TUBB8B: variants seen among roughly 807,000 people sequenced by gnomAD.
TUBB8B encodes the protein HSA18p11 beta-tubulin 4Q pseudogene.
In TUBB8B, 26 loss-of-function variants were observed where a neutral mutation model predicts 31.9. The ratio of observed to expected loss-of-function variants is 0.81; its 90% CI spans 0.60 to 1.13. The LOEUF (loss-of-function observed/expected upper bound fraction) is 1.13, where lower values mean the gene tolerates loss of function less well. Among genes scored for constraint, TUBB8B ranks in the 50% most tolerant of loss-of-function variants. The pLI is 0.00. For missense variants in TUBB8B, 467 were observed against 586.7 expected, an observed-to-expected ratio of 0.80 and a Z score of 2.11; for synonymous variants, 173 against 231.0, an observed-to-expected ratio of 0.75 and a Z score of 2.28.
the TUBB8B span, among the ~76,000 whole-genome samples, chr18:71,950 G>A: frequency 1.3e-5 from 2 of 152,096 alleles, no homozygotes; most frequent in South Asian, 2.1e-4. Flanking sequence ...AGGCCAAGGC[G>A]GGTGGATCAC....
At chr18:67,676 A>G in the TUBB8B span, among the ~76,000 whole-genome samples, 2 of 152,154 alleles carry the variant, frequency 1.3e-5, no homozygotes, top group African/African-American at 4.8e-5. Context: ...CTGTTAAAGC[A>G]CTATGTGTGG....
At chr18:67,461 C>T in the TUBB8B span, among the ~76,000 whole-genome samples, 1 of 152,228 alleles carries the variant, frequency 6.6e-6, no homozygotes, top group Non-Finnish European at 1.5e-5. Flanking sequence ...CCACCTCAGT[C>T]TCTAGAGTAA....
the TUBB8B span, among the ~76,000 whole-genome samples, chr18:56,558 C>A: frequency 6.6e-6 from 1 of 151,674 alleles, no homozygotes; most frequent in African/African-American, 2.4e-5. Flanking sequence ...AATTCCCACA[C>A]ATTTTGTTTT....
At chr18:51,584 C>A (rs1435992536), upstream of TUBB8B, among the ~76,000 whole-genome samples, 1 of 151,844 alleles carries the variant, frequency 6.6e-6, no homozygotes, top group Non-Finnish European at 1.5e-5. Context: ...GGATTACAGG[C>A]ACCCACCACC....
chr18:71,569 T>TTAAA, the TUBB8B span, among the ~76,000 whole-genome samples: 1 of 57,644 alleles, frequency 1.7e-5, no homozygotes, highest in East Asian at 5.7e-4. Context: ...AAAAAAAATT[T>TTAAA]AAAAAAAAAA....
the TUBB8B span, chr18:73,456 GTGGACCCCCCGTCCTCACA>G: frequency 2.5e-5 from 4 of 159,190 alleles, no homozygotes; most frequent in African/African-American, 9.7e-5. Flanking sequence ...CGTCCTCACA[GTGGACCCCCCGTCCTCACA>G]GTGGACCCCC....
In TUBB8B at chr18:48,739, C is replaced by A. The variant is rs183480759; in HGVS notation, c.277+201G>T. 24 of 702,256 alleles carry A rather than the reference C, an allele frequency of 3.4e-5. No homozygotes were observed. In the African/African-American group the frequency reaches 3.5e-4, roughly 10 times the overall value. 43.5% of individuals were successfully genotyped at this position (702,256 alleles called of 1,614,324 possible). On this transcript the variant is annotated intron_variant, in intron 3 of 3. Transcript: ENST00000308911. ...CCAGCTCAGCTCCCGGCAGGGACAT[C>A]AGTAGCTCCTCACCTTGAGGAGACA...
At chr18:60,722 T>C in the TUBB8B span, among the ~76,000 whole-genome samples, 1 of 151,836 alleles carries the variant, frequency 6.6e-6, no homozygotes, top group Non-Finnish European at 1.5e-5. Flanking sequence ...ATTGACCTAC[T>C]GATCATTAAA....
At position 47,320 on chromosome 18, in the gene TUBB8B, T is replaced by C. The variant is rs1418664728; in HGVS notation, c.*70A>G. On this transcript the variant is annotated 3_prime_UTR_variant, in exon 4 of 4. Coordinates refer to ENST00000308911, the MANE Select transcript of TUBB8B (RefSeq NM_001358689.2). ...AAGACACAAATTAACAAGCGTATAG[T>C]GACACATGGCTGTCAGAACACAGTA... 1.3e-5 allele frequency: 8 copies of C among 611,142 alleles called. No homozygotes were observed. Among genetic ancestry groups the C allele is most frequent in the African/African-American group, 6.4e-5 (3 of 47,198 alleles). The allele number at this position is 611,142 out of a possible 1,614,324, so 37.9% of individuals were successfully genotyped here.
the TUBB8B span, among the ~76,000 whole-genome samples, chr18:63,361 C>A: frequency 6.6e-6 from 1 of 151,768 alleles, no homozygotes; most frequent in African/African-American, 2.4e-5. Context: ...CTGTGGTGGC[C>A]TTGGATTAAC....
upstream of TUBB8B, among the ~76,000 whole-genome samples, chr18:52,500 C>T (rs1223827748): frequency 1.3e-5 from 2 of 151,798 alleles, no homozygotes. Flanking sequence ...CTGAGTCTCT[C>T]ACCCTAATAT....
the TUBB8B span, among the ~76,000 whole-genome samples, chr18:68,145 G>T: frequency 6.6e-6 from 1 of 152,036 alleles, no homozygotes; most frequent in African/African-American, 2.4e-5. Context: ...CTGCTTTATT[G>T]CCATGGTATT....
chr18:71,259 A>G, the TUBB8B span, among the ~76,000 whole-genome samples: 1 of 151,202 alleles, frequency 6.6e-6, no homozygotes, highest in African/African-American at 2.4e-5. Flanking sequence ...ATCAATAAAG[A>G]TGTAAAGGCT....
At chr18:67,232 T>A in the TUBB8B span, among the ~76,000 whole-genome samples, 10 of 152,348 alleles carry the variant, frequency 6.6e-5, no homozygotes, top group South Asian at 2.1e-3. Flanking sequence ...CCTGATCTCA[T>A]GGATCCACCC....
At chr18:61,347 G>A in the TUBB8B span, among the ~76,000 whole-genome samples, 5 of 151,332 alleles carry the variant, frequency 3.3e-5, no homozygotes, top group African/African-American at 9.7e-5. Flanking sequence ...ATCTTTACAG[G>A]TAGAGTATTT....
In TUBB8B at chr18:48,983, C is replaced by G. The variant is rs565684361; in HGVS notation, c.234G>C (p.Ser78=). 91 of 1,609,386 alleles carry G rather than the reference C, an allele frequency of 5.7e-5. 3 individuals are homozygous for G. In the South Asian group the frequency reaches 9.2e-4, roughly 16 times the overall value. The change falls in exon 3 of 4, where the codon TCG becomes TCC. Residue 78 remains serine, a synonymous_variant. Transcript: ENST00000308911. ...LEPGTMDSVH[S]GPFGQVFRPD... ...GCCTGAAGACCTGCCCGAAGGGCCC[C>G]GAGTGCACAGAGTCCATGGTGCCCG...
the TUBB8B span, among the ~76,000 whole-genome samples, chr18:64,876 T>C: frequency 6.6e-6 from 1 of 152,162 alleles, no homozygotes; most frequent in Non-Finnish European, 1.5e-5. Flanking sequence ...AAACTTCTAA[T>C]ACTTAATATG....
chr18:70,672 G>A, the TUBB8B span, among the ~76,000 whole-genome samples: 23 of 151,900 alleles, frequency 1.5e-4, no homozygotes, highest in African/African-American at 4.8e-4. Flanking sequence ...CTGCAGGGCC[G>A]GGCGCAGTAG....
Position 48,198 on chromosome 18 carries a change from G to A in TUBB8B, c.527C>T (p.Ser176Leu), listed in dbSNP as rs543588177. The A allele has an allele frequency of 2.2e-5, 35 of 1,607,940 alleles. 1 individual carries two copies. The highest frequency in any genetic ancestry group is 3.3e-5 in the South Asian group (3 of 90,944). Residue 176 changes from serine to leucine, a missense_variant, in exon 4 of 4, where the codon TCG becomes TTG. Physicochemically the swap from Ser to Leu is moderately radical, Grantham distance 145. Coordinates refer to ENST00000308911, the MANE Select transcript of TUBB8B (RefSeq NM_001358689.2). ...TFSILPSPKV[S>L]DTVVEPYNAT... ...GTTGTAGGGCTCCACCACGGTGTCC[G>A]ACACCTTGGGCGAGGGCAGGATGCT...
Sources: allele counts gnomAD v4.1 joint callset (sites outside exome capture counted in the v4.1 genomes callset), GRCh38; gene constraint gnomAD v4.1.1; transcripts MANE v1.5; gene names NCBI Gene and HGNC (gene_info 2026-07-23, HGNC 2026-07-21).